The following ACOXL variants were observed in gnomAD, a reference collection of about 807,000 sequenced individuals.
ACOXL encodes the protein acyl-coenzyme A oxidase-like protein.
A neutral mutation model predicts 71.9 loss-of-function variants in ACOXL; 70 were observed. The ratio of observed to expected loss-of-function variants is 0.97; its 90% CI spans 0.80 to 1.19. ACOXL has a LOEUF of 1.19. Ranked by LOEUF, ACOXL falls within the 50% of genes most tolerant of loss-of-function variation. ACOXL has a pLI of 0.00. For missense variants in ACOXL, 703 were observed against 736.3 expected (o/e 0.95, Z 0.52); for synonymous variants, 253 against 281.6 (o/e 0.90, Z 1.02).
At chr2:111,085,231 G>T (rs2068147904) in intron 16 of ACOXL, among the ~76,000 whole-genome samples, 1 of 151,218 alleles carries the variant, frequency 6.6e-6, no homozygotes, top group African/African-American at 2.4e-5. Flanking sequence ...AAATGGACCT[G>T]ATAGACATCT....
intron 10 of ACOXL, among the ~76,000 whole-genome samples, chr2:110,853,640 C>T (rs1433658886): frequency 6.6e-6 from 1 of 152,118 alleles, no homozygotes; most frequent in Non-Finnish European, 1.5e-5. Context: ...CGGAAGATCC[C>T]CCAGAATCCA....
chr2:110,999,520 A>G (rs1465117428), intron 14 of ACOXL, among the ~76,000 whole-genome samples: 1 of 152,166 alleles, frequency 6.6e-6, no homozygotes, highest in African/African-American at 2.4e-5. Context: ...TTGTCCTCCA[A>G]GATGGACCCC....
At chr2:110,835,101 T>C (rs1162587017) in intron 9 of ACOXL, among the ~76,000 whole-genome samples, 2 of 152,250 alleles carry the variant, frequency 1.3e-5, no homozygotes, top group South Asian at 4.1e-4. Context: ...TAGTTCTGTG[T>C]TGATTTCCAT....
chr2:111,089,298 AAAACAAACAAAC>A (rs368776745), intron 16 of ACOXL, among the ~76,000 whole-genome samples: 30 of 152,144 alleles, frequency 2.0e-4, no homozygotes, highest in African/African-American at 6.3e-4. Flanking sequence ...CTCCGTCTCA[AAAACAAACAAAC>A]AAACAAACAA....
intron 15 of ACOXL, among the ~76,000 whole-genome samples, chr2:111,035,730 A>G (rs1436939146): frequency 6.6e-6 from 1 of 152,222 alleles, no homozygotes. Context: ...TCAAGGATGT[A>G]TTTGTTTTGA....
At position 110,975,388 on chromosome 2, in the gene ACOXL, T is replaced by C. The variant is rs535610425; in HGVS notation, c.1060-11720T>C. Reference sequence around the variant, plus strand: ...CTTTGCCATATTAAAATTTCTCTTTTTTACCGTCTATGCATATGTTTGTGT... The same window carrying C: ...CTTTGCCATATTAAAATTTCTCTTTCTTACCGTCTATGCATATGTTTGTGT... On this transcript the variant is annotated intron_variant, in intron 12 of 17. Coordinates refer to ENST00000439055, the MANE Select transcript of ACOXL (RefSeq NM_001142807.4). Among the ~76,000 whole-genome samples the C allele has an allele frequency of 8.0e-5, 12 of 149,128 alleles. No homozygotes were observed. In the South Asian group the frequency reaches 2.6e-3, roughly 32 times the overall value.
At chr2:111,012,493 C>T (rs1243718027) in intron 14 of ACOXL, among the ~76,000 whole-genome samples, 1 of 152,186 alleles carries the variant, frequency 6.6e-6, no homozygotes, top group East Asian at 1.9e-4. Context: ...CTAATTCAAT[C>T]TTCTTGATAT....
chr2:110,864,613 C>G (rs1322034533), intron 10 of ACOXL, among the ~76,000 whole-genome samples: 2 of 152,212 alleles, frequency 1.3e-5, no homozygotes, highest in African/African-American at 4.8e-5. Context: ...GATAGCCTTT[C>G]CAAGGAGACC....
chr2:110,749,088 G>A (rs1678595106), intron 1 of ACOXL, among the ~76,000 whole-genome samples: 2 of 152,136 alleles, frequency 1.3e-5, no homozygotes, highest in Non-Finnish European at 2.9e-5. Flanking sequence ...TGGTCGAAGG[G>A]TGGACACCTA....
At chr2:110,936,213 T>G (rs1378358131) in intron 12 of ACOXL, among the ~76,000 whole-genome samples, 1 of 152,134 alleles carries the variant, frequency 6.6e-6, no homozygotes, top group Non-Finnish European at 1.5e-5. Context: ...TCCATAAGTC[T>G]TCCCCCAACT....
chr2:110,743,646 G>A (rs1677816069), intron 1 of ACOXL, among the ~76,000 whole-genome samples: 1 of 152,154 alleles, frequency 6.6e-6, no homozygotes, highest in African/African-American at 2.4e-5. Flanking sequence ...GAGGCTGGCG[G>A]AAGGACCAAT....
At chr2:110,888,281 T>G (rs1199215828) in intron 10 of ACOXL, among the ~76,000 whole-genome samples, 4 of 152,234 alleles carry the variant, frequency 2.6e-5, no homozygotes, top group Non-Finnish European at 5.9e-5. Flanking sequence ...TGACCTAGGC[T>G]TGTCCTGGGA....
chr2:110,956,089 C>G (rs895991780), intron 12 of ACOXL, among the ~76,000 whole-genome samples: 38 of 152,088 alleles, frequency 2.5e-4, no homozygotes, highest in African/African-American at 8.9e-4. Context: ...GCAAGTGCTA[C>G]TACGTCCGGC....
intron 16 of ACOXL, among the ~76,000 whole-genome samples, chr2:111,090,835 T>C (rs2068481133): frequency 6.6e-6 from 1 of 152,222 alleles, no homozygotes; most frequent in South Asian, 2.1e-4. Context: ...TTTGCCTCTG[T>C]AGCTCTGCTC....
chr2:111,115,279 T>C (rs2070266259), intron 17 of ACOXL, among the ~76,000 whole-genome samples: 1 of 152,212 alleles, frequency 6.6e-6, no homozygotes, highest in Non-Finnish European at 1.5e-5. Context: ...AACTAAACTT[T>C]AATAATACAC....
At chr2:110,774,201 A>T (rs931485354) in intron 2 of ACOXL, among the ~76,000 whole-genome samples, 1 of 152,164 alleles carries the variant, frequency 6.6e-6, no homozygotes, top group African/African-American at 2.4e-5. Context: ...ACCTACAGTG[A>T]GCCAGGCATT....
At position 110,815,108 on chromosome 2, in the gene ACOXL, C is replaced by T. The variant is rs529753969; in HGVS notation, c.753+9713C>T. 5.3e-5 allele frequency among the ~76,000 whole-genome samples: 8 copies of T among 152,236 alleles called. No homozygotes were observed. In the South Asian group the frequency reaches 1.7e-3, roughly 32 times the overall value. ...TGGTGGAAGGGCGAGCAAATATGTC[C>T]TTCTTCATATGGTGGCAGCAAGGAG... On this transcript the variant is annotated intron_variant, in intron 9 of 17. Transcript: ENST00000439055.
chr2:110,962,527 G>C (rs1018801616), intron 12 of ACOXL, among the ~76,000 whole-genome samples: 2 of 152,348 alleles, frequency 1.3e-5, no homozygotes, highest in East Asian at 3.9e-4. Flanking sequence ...GGGAAAGGTG[G>C]CCGGGCCTTC....
intron 14 of ACOXL, among the ~76,000 whole-genome samples, chr2:111,013,903 G>C (rs2064301782): frequency 6.6e-6 from 1 of 152,170 alleles, no homozygotes; most frequent in Admixed American, 6.5e-5. Flanking sequence ...TAACAAAGTA[G>C]TGTTTATTAT....
Sources: gnomAD v4.1 joint callset for allele counts (sites outside exome capture counted in the v4.1 genomes callset) on GRCh38, gnomAD v4.1.1 for gene constraint, MANE v1.5 for transcripts, NCBI Gene and HGNC (gene_info 2026-07-23, HGNC 2026-07-21) for gene names.